ADAM17: variants seen among roughly 807,000 people sequenced by gnomAD.
ADAM17 encodes the protein disintegrin and metalloproteinase domain-containing protein 17.
Under a neutral mutation model 96.7 loss-of-function variants are expected in ADAM17, and 39 were observed. The ratio of observed to expected loss-of-function variants is 0.40; its 90% CI spans 0.31 to 0.53. ADAM17 has a LOEUF of 0.53. Among genes scored for constraint, ADAM17 ranks in the 20% least tolerant of loss-of-function variants. ADAM17 has a pLI of 0.44. For missense variants in ADAM17, 777 were observed against 1,013.2 expected, an observed-to-expected ratio of 0.77 and a Z score of 3.17; for synonymous variants, 344 against 359.2, an observed-to-expected ratio of 0.96 and a Z score of 0.48.
At chr2:9,534,320 G>A (rs760790681) in intron 4 of ADAM17, among the ~76,000 whole-genome samples, 38 of 152,130 alleles carry the variant, frequency 2.5e-4, no homozygotes, top group Non-Finnish European at 4.1e-4. Flanking sequence ...AGTGAGCCGA[G>A]ACCACGCCAG....
intron 6 of ADAM17, 146 bp downstream of exon 6, chr2:9,525,965 A>C (rs540639932): frequency 1.2e-6 from 1 of 813,874 alleles, no homozygotes; most frequent in Non-Finnish European, 1.8e-6. Context: ...ATTTCCATAC[A>C]GTAACATAAA....
intron 2 of ADAM17, among the ~76,000 whole-genome samples, chr2:9,537,802 G>A (rs1222874522): frequency 6.7e-6 from 1 of 149,560 alleles, no homozygotes; most frequent in African/African-American, 2.5e-5. Context: ...CACAATTACA[G>A]TTAGGAAAAT....
intron 2 of ADAM17, among the ~76,000 whole-genome samples, chr2:9,542,360 C>T (rs1665241408): frequency 6.6e-6 from 1 of 152,080 alleles, no homozygotes; most frequent in Non-Finnish European, 1.5e-5. Flanking sequence ...GGCAACATGG[C>T]AAGACCCTGT....
chr2:9,505,370 A>G lies in ADAM17; in HGVS notation c.1345-5T>C, dbSNP rs1276698147. The G allele has an allele frequency of 6.2e-7, 1 of 1,613,206 alleles. No homozygotes were observed. On this transcript the variant is annotated splice_region_variant and splice_polypyrimidine_tract_variant and intron_variant, in intron 11 of 18. Coordinates refer to ENST00000310823, the MANE Select transcript of ADAM17 (RefSeq NM_003183.6). ...TTTACTGCAGTTTGAAAACATCTTG[A>G]GAGAAAAAAGGCAATAAGGACCCAA...
intron 8 of ADAM17, 101 bp downstream of exon 8, chr2:9,521,102 G>C: frequency 1.1e-6 from 1 of 899,728 alleles, no homozygotes; most frequent in Non-Finnish European, 1.8e-6. Context: ...GCTTCTGGGT[G>C]TCCATCTTTT....
Position 9,517,938 on chromosome 2 carries a change from G to A in ADAM17, c.1154C>T (p.Thr385Met), listed in dbSNP as rs764334934. The A allele has an allele frequency of 4.4e-6, 7 of 1,603,532 alleles. No homozygotes were observed. The highest frequency in any genetic ancestry group is 1.3e-5 in the African/African-American group (1 of 74,558). Reference protein sequence around the residue: ...KKNIYLNSGLTSTKNYGKTIL... With the variant: ...KKNIYLNSGLMSTKNYGKTIL... The stretch of plus-strand genomic sequence containing the variant: ...GGTTTTACCATAATTCTTTGTGCTC[G>A]TCAAACCACTATTCAAATAGATATT... Residue 385 changes from threonine to methionine, a missense_variant, in exon 10 of 19, where the codon ACG becomes ATG. Around this residue, in one of 3 missense-constraint regions of ADAM17, gnomAD observed 446 missense variants for 664.7 expected, o/e 0.67. Transcript: ENST00000310823.
Position 9,492,928 on chromosome 2 carries a change from C to CCAAAATATCAAGG in ADAM17, c.2039_2051dup (p.Trp684CysfsTer17). ...AATGGACAAGAATGCTGAAAGGAAT[C>CCAAAATATCAAGG]CAAAATATCAAGGAGAAAACCAGGA... is the stretch of plus-strand genomic sequence containing the variant. On this transcript the variant is annotated frameshift_variant, in exon 17 of 19. Transcript: ENST00000310823. LOFTEE classifies it high-confidence loss of function. The CCAAAATATCAAGG allele has an allele frequency of 4.3e-6, 7 of 1,612,696 alleles. No individual in the cohort carries two copies. Among genetic ancestry groups the CCAAAATATCAAGG allele is most frequent in the Non-Finnish European group, 5.9e-6 (7 of 1,179,248 alleles).
chr2:9,518,745 T>C (rs935971067), intron 8 of ADAM17, among the ~76,000 whole-genome samples: 10 of 152,214 alleles, frequency 6.6e-5, no homozygotes, highest in African/African-American at 2.4e-4. Context: ...CCCAGTTTTA[T>C]GTTACTAAAA....
chr2:9,519,947 T>C (rs1382486394), intron 8 of ADAM17, among the ~76,000 whole-genome samples: 1 of 152,250 alleles, frequency 6.6e-6, no homozygotes, highest in Non-Finnish European at 1.5e-5. Context: ...CTCACAAGGA[T>C]GCTGTCTCAA....
rs1340974006 is a variant in ADAM17, at chr2:9,555,568, G to A, written c.38C>T (p.Pro13Leu). 1 of 1,601,404 alleles carries A rather than the reference G, an allele frequency of 6.2e-7. No individual in the cohort carries two copies. The highest frequency in any genetic ancestry group is 1.3e-5 in the African/African-American group (1 of 74,882). ...QSLLFLTSVVPFVLAPRPPDD... is the reference protein window; with the variant it reads ...QSLLFLTSVVLFVLAPRPPDD... ...CGGAGGTCGCGGCGCCAGCACGAAA[G>A]GAACCACGCTGGTCAGGAATAGGAG... Residue 13 changes from proline (P) to leucine (L), a missense_variant, in exon 1 of 19, where the codon CCT (proline) becomes CTT (leucine). Transcript: ENST00000310823.
chr2:9,531,626 T>C (rs906320869), intron 4 of ADAM17, among the ~76,000 whole-genome samples: 7 of 152,094 alleles, frequency 4.6e-5, no homozygotes, highest in South Asian at 2.1e-4. Flanking sequence ...TGCTTGAACC[T>C]GGGAGGCGGA....
At chr2:9,537,772 T>C (rs541695496) in intron 2 of ADAM17, among the ~76,000 whole-genome samples, 4 of 149,820 alleles carry the variant, frequency 2.7e-5, no homozygotes, top group African/African-American at 9.8e-5. Flanking sequence ...CAAAACAACA[T>C]ATCTTGCAAA....
At chr2:9,494,880 T>G (rs1572881414) in intron 14 of ADAM17, 113 bp from the exon 15 acceptor site, 1 of 1,365,228 alleles carries the variant, frequency 7.3e-7, no homozygotes, top group East Asian at 2.4e-5. Flanking sequence ...CACATTTATT[T>G]TTTATTTAAA....
intron 8 of ADAM17, among the ~76,000 whole-genome samples, chr2:9,519,098 T>C (rs1007567909): frequency 6.6e-6 from 1 of 152,194 alleles, no homozygotes; most frequent in East Asian, 1.9e-4. Context: ...TACAACATGT[T>C]GCCCAAGCTA....
At chr2:9,503,637 G>A (rs1009926412) in intron 12 of ADAM17, among the ~76,000 whole-genome samples, 2 of 151,970 alleles carry the variant, frequency 1.3e-5, no homozygotes, top group Admixed American at 6.5e-5. Flanking sequence ...TCAGGAGTTC[G>A]AGACCAGCCT....
At chr2:9,538,742 T>C (rs539591622) in intron 2 of ADAM17, among the ~76,000 whole-genome samples, 246 of 152,344 alleles carry the variant, frequency 1.6e-3, no homozygotes, top group Non-Finnish European at 2.4e-3. Context: ...TTTTGAGTTA[T>C]AAAACGTCCA....
At chr2:9,512,841 G>A (rs1216584890) in intron 10 of ADAM17, among the ~76,000 whole-genome samples, 5 of 152,142 alleles carry the variant, frequency 3.3e-5, no homozygotes, top group Non-Finnish European at 7.3e-5. Flanking sequence ...CTTCCAGAGA[G>A]CATTTTGAAT....
At chr2:9,543,966 G>A (rs1486386484) in intron 1 of ADAM17, among the ~76,000 whole-genome samples, 1 of 152,124 alleles carries the variant, frequency 6.6e-6, no homozygotes, top group Non-Finnish European at 1.5e-5. Context: ...CAATCACCCT[G>A]ATTTGATCAC....
At chr2:9,525,034 G>C (rs1183720151) in intron 6 of ADAM17, among the ~76,000 whole-genome samples, 1 of 147,436 alleles carries the variant, frequency 6.8e-6, no homozygotes, top group East Asian at 1.9e-4. Flanking sequence ...AATAAGAGGA[G>C]CCCCTTAATA....
Sources: allele counts gnomAD v4.1 joint callset (sites outside exome capture counted in the v4.1 genomes callset), GRCh38; gene constraint gnomAD v4.1.1; regional missense constraint gnomAD v4.1.1; transcripts MANE v1.5; gene names NCBI Gene and HGNC (gene_info 2026-07-23, HGNC 2026-07-21).